Variants in CDH7 observed in about 807,000 individuals in gnomAD.
CDH7 encodes the protein cadherin 7.
Under a neutral mutation model 71.8 loss-of-function variants are expected in CDH7, and 25 were observed. That is an observed-to-expected ratio of 0.35 (90% confidence interval 0.25 to 0.49). The LOEUF is 0.49. CDH7 is among the 20% of genes least tolerant of loss of function. The pLI is 0.99. For missense variants in CDH7, 862 were observed against 974.6 expected, an observed-to-expected ratio of 0.88 and a Z score of 1.54; for synonymous variants, 381 against 363.8, an observed-to-expected ratio of 1.05 and a Z score of -0.54.
chr18:65,850,652 A>G (rs1442772616), intron 7 of CDH7, among the ~76,000 whole-genome samples: 1 of 151,642 alleles, frequency 6.6e-6, no homozygotes, highest in Non-Finnish European at 1.5e-5. Context: ...CTCTTCTCCA[A>G]AACATTCTGG....
chr18:65,855,820 C>G (rs1344616351), intron 7 of CDH7, among the ~76,000 whole-genome samples: 1 of 152,044 alleles, frequency 6.6e-6, no homozygotes, highest in Non-Finnish European at 1.5e-5. Flanking sequence ...GACTTTCATG[C>G]AAATATTTTC....
At chr18:65,826,516 A>G (rs1228780747) in intron 6 of CDH7, among the ~76,000 whole-genome samples, 1 of 150,140 alleles carries the variant, frequency 6.7e-6, no homozygotes, top group African/African-American at 2.4e-5. Context: ...GAAAATTTTT[A>G]TTCAAAAATT....
At chr18:65,866,485 T>C (rs1913766413) in intron 11 of CDH7, 1 of 151,940 alleles carries the variant, frequency 6.6e-6, no homozygotes, top group Non-Finnish European at 1.5e-5. Flanking sequence ...TGCACTGACA[T>C]TACCAGAAGT....
intron 2 of CDH7, among the ~76,000 whole-genome samples, chr18:65,769,849 T>C (rs1916490959): frequency 6.6e-6 from 1 of 152,198 alleles, no homozygotes; most frequent in Non-Finnish European, 1.5e-5. Flanking sequence ...TCTCACTGTA[T>C]CACGTCAGAA....
At chr18:65,782,028 C>CCCTT (rs200389546) in intron 2 of CDH7, among the ~76,000 whole-genome samples, 494 of 33,548 alleles carry the variant, frequency 0.015, 87 homozygotes, top group African/African-American at 0.038. Flanking sequence ...CTCTCTTTCT[C>CCCTT]CCTTCCTTCC....
intron 2 of CDH7, among the ~76,000 whole-genome samples, chr18:65,776,391 CACACACACACAG>C (rs899190210): frequency 3.3e-5 from 5 of 150,488 alleles, no homozygotes; most frequent in African/African-American, 1.2e-4. Context: ...CACACACACA[CACACACACACAG>C]AGAGAGAGAG....
In CDH7 at chr18:65,885,921, T is replaced by C. The variant is rs945895222; in HGVS notation, c.*5027T>C. ...GAACATTTAGCTGTTATTTGTGTAA[T>C]TGTCACATATTATTGTGCAGATTTA... On this transcript the variant is annotated 3_prime_UTR_variant, in exon 12 of 12. Transcript: ENST00000397968. 3 of 152,188 alleles carry C rather than the reference T, an allele frequency of 2.0e-5. No individual in the cohort carries two copies. The highest frequency in any genetic ancestry group is 2.0e-4 in the Admixed American group (3 of 15,278). The allele number at this position is 152,188 out of a possible 1,614,324, so 9.4% of individuals were successfully genotyped here. A position where few individuals can be genotyped will look rare whatever the true frequency, so the allele number is the denominator to read the frequency against.
intron 11 of CDH7, 100 bp downstream of exon 11, chr18:65,863,017 A>G: frequency 7.9e-7 from 1 of 1,258,658 alleles, no homozygotes; most frequent in East Asian, 2.3e-5. Context: ...ATATGCAGAT[A>G]TTCTACTGGA....
At chr18:65,870,631 A>G (rs1234940138) in intron 11 of CDH7, among the ~76,000 whole-genome samples, 1 of 151,870 alleles carries the variant, frequency 6.6e-6, no homozygotes, top group Non-Finnish European at 1.5e-5. Flanking sequence ...TCTTCCCATT[A>G]TTTTCAAGTG....
chr18:65,880,372 A>G, intron 11 of CDH7, 29 bp from the exon 12 acceptor site: 2 of 1,516,266 alleles, frequency 1.3e-6, no homozygotes, highest in Non-Finnish European at 1.8e-6. Context: ...AGTTTACTGA[A>G]ACTTTCTCTT....
intron 10 of CDH7, among the ~76,000 whole-genome samples, chr18:65,860,725 A>G (rs1225409800): frequency 6.6e-6 from 1 of 152,186 alleles, no homozygotes; most frequent in Non-Finnish European, 1.5e-5. Context: ...TTTGCTAGTC[A>G]TTACTGGCTT....
chr18:65,839,375 A>G, intron 6 of CDH7, among the ~76,000 whole-genome samples: 1 of 152,072 alleles, frequency 6.6e-6, no homozygotes, highest in East Asian at 1.9e-4. Flanking sequence ...TCATGGCAGA[A>G]GGGGTGAGGG....
At chr18:65,791,968 C>A (rs766888578) in intron 2 of CDH7, among the ~76,000 whole-genome samples, 8 of 151,978 alleles carry the variant, frequency 5.3e-5, no homozygotes, top group Non-Finnish European at 8.8e-5. Flanking sequence ...AATTAAGTGG[C>A]CTTTGACTAA....
intron 4 of CDH7, among the ~76,000 whole-genome samples, chr18:65,818,130 G>A (rs1028416101): frequency 1.3e-5 from 2 of 151,856 alleles, no homozygotes; most frequent in Admixed American, 6.6e-5. Flanking sequence ...AATATAATGC[G>A]GTATATTTAT....
chr18:65,752,387 A>G (rs1003807750), intron 1 of CDH7, among the ~76,000 whole-genome samples: 1 of 152,250 alleles, frequency 6.6e-6, no homozygotes, highest in Non-Finnish European at 1.5e-5. Context: ...GTTTGCATAG[A>G]CACAATATCT....
intron 10 of CDH7, among the ~76,000 whole-genome samples, chr18:65,860,795 T>C (rs1199714044): frequency 6.6e-6 from 1 of 152,182 alleles, no homozygotes; most frequent in Non-Finnish European, 1.5e-5. Flanking sequence ...GCCATCACCT[T>C]ATTTAGTGCA....
At chr18:65,792,964 T>C (rs753044837) in intron 2 of CDH7, among the ~76,000 whole-genome samples, 4 of 152,164 alleles carry the variant, frequency 2.6e-5, no homozygotes. Flanking sequence ...GAGGGTTTAA[T>C]GTATTTTCCT....
intron 2 of CDH7, among the ~76,000 whole-genome samples, chr18:65,793,826 G>C (rs1438850756): frequency 6.6e-6 from 1 of 152,110 alleles, no homozygotes; most frequent in Non-Finnish European, 1.5e-5. Context: ...TAATATTCAT[G>C]ACTTCATGTG....
chr18:65,789,817 C>T (rs2143854485), intron 2 of CDH7, among the ~76,000 whole-genome samples: 1 of 152,164 alleles, frequency 6.6e-6, no homozygotes, highest in South Asian at 2.1e-4. Flanking sequence ...GCATTTACAG[C>T]ACCAGCAAGG....
Sources: allele counts gnomAD v4.1 joint callset (sites outside exome capture counted in the v4.1 genomes callset), GRCh38; gene constraint gnomAD v4.1.1; transcripts MANE v1.5; gene names NCBI Gene and HGNC (gene_info 2026-07-23, HGNC 2026-07-21).